CNTNAP2: variants seen among roughly 807,000 people sequenced by gnomAD.
CNTNAP2 encodes contactin associated protein 2.
CNTNAP2 carries 98 observed loss-of-function variants against 155.2 expected under a neutral mutation model. The observed-to-expected ratio is 0.63, with a 90% CI of 0.54 to 0.75. CNTNAP2 has a LOEUF of 0.75. Ranked by LOEUF, CNTNAP2 falls within the 30% of genes least tolerant of loss-of-function variation. The pLI is 0.00. For missense variants in CNTNAP2, 1,727 were observed against 1,688.1 expected (o/e 1.02, Z -0.40); for synonymous variants, 651 against 631.2 (o/e 1.03, Z -0.47).
chr7:147,707,210 C>G (rs557271375), intron 13 of CNTNAP2, among the ~76,000 whole-genome samples: 17 of 152,152 alleles, frequency 1.1e-4, no homozygotes, highest in African/African-American at 4.1e-4. Context: ...TTTGTCCTTA[C>G]ATTGACATCT....
chr7:147,848,779 A>G (rs138381586), intron 13 of CNTNAP2, among the ~76,000 whole-genome samples: 94 of 152,338 alleles, frequency 6.2e-4, no homozygotes, highest in African/African-American at 2.1e-3. Context: ...AACAGAGAGA[A>G]AGCTTAAATA....
chr7:146,536,167 A>C (rs1290140585), intron 1 of CNTNAP2, among the ~76,000 whole-genome samples: 2 of 152,124 alleles, frequency 1.3e-5, no homozygotes, highest in African/African-American at 4.8e-5. Flanking sequence ...TTTGAACCAC[A>C]TTTAGCAAAG....
intron 8 of CNTNAP2, among the ~76,000 whole-genome samples, chr7:147,178,234 A>T (rs763160173): frequency 1.3e-5 from 2 of 152,204 alleles, no homozygotes; most frequent in Non-Finnish European, 2.9e-5. Context: ...ACTGTTTATT[A>T]TCTGTGGTCA....
intron 2 of CNTNAP2, among the ~76,000 whole-genome samples, chr7:146,797,760 G>T (rs566092888): frequency 6.6e-6 from 1 of 152,280 alleles, no homozygotes; most frequent in Non-Finnish European, 1.5e-5. Flanking sequence ...ACTAAGATAC[G>T]TCCTGGCAGC....
intron 13 of CNTNAP2, among the ~76,000 whole-genome samples, chr7:147,789,599 C>A (rs1051677288): frequency 6.6e-6 from 1 of 152,254 alleles, no homozygotes; most frequent in South Asian, 2.1e-4. Context: ...TTGAAGTATG[C>A]AAAGTATTGC....
chr7:146,916,422 T>A (rs10266606), intron 3 of CNTNAP2, among the ~76,000 whole-genome samples: 1 of 151,980 alleles, frequency 6.6e-6, no homozygotes, highest in Non-Finnish European at 1.5e-5. Flanking sequence ...TTTAAATGTC[T>A]GATTGAATTC....
At chr7:148,369,643 C>CATCATTATT (rs1554425870) in intron 21 of CNTNAP2, among the ~76,000 whole-genome samples, 2 of 143,450 alleles carry the variant, frequency 1.4e-5, no homozygotes, top group African/African-American at 5.1e-5. Flanking sequence ...TGTTCTTTAT[C>CATCATTATT]ATTATTATTA....
chr7:147,857,495 A>G (rs1412350204), intron 13 of CNTNAP2, among the ~76,000 whole-genome samples: 2 of 152,222 alleles, frequency 1.3e-5, no homozygotes, highest in Non-Finnish European at 2.9e-5. Context: ...AATCTCACCA[A>G]TTGGCACTAA....
At chr7:148,403,650 G>A (rs1799636637) in intron 22 of CNTNAP2, among the ~76,000 whole-genome samples, 1 of 152,192 alleles carries the variant, frequency 6.6e-6, no homozygotes, top group East Asian at 1.9e-4. Flanking sequence ...TATTATCCAT[G>A]TCTCAGTCAT....
At chr7:146,259,821 T>C (rs568466832) in intron 1 of CNTNAP2, among the ~76,000 whole-genome samples, 187 of 152,258 alleles carry the variant, frequency 1.2e-3, no homozygotes, top group Non-Finnish European at 1.0e-3. Context: ...TTGGGAGAAA[T>C]TCAAGCCAGC....
intron 8 of CNTNAP2, among the ~76,000 whole-genome samples, chr7:147,188,383 C>G (rs77182563): frequency 6.6e-6 from 1 of 152,150 alleles, no homozygotes; most frequent in Non-Finnish European, 1.5e-5. Context: ...TTACAAGGTA[C>G]TTCACATACA....
chr7:146,987,422 A>T (rs925818460), intron 3 of CNTNAP2, among the ~76,000 whole-genome samples: 6 of 152,152 alleles, frequency 3.9e-5, no homozygotes, highest in African/African-American at 1.4e-4. Context: ...AATAAATGAA[A>T]ATGAAAATAT....
intron 15 of CNTNAP2, among the ~76,000 whole-genome samples, chr7:148,039,176 T>A (rs1802624739): frequency 6.6e-6 from 1 of 152,170 alleles, no homozygotes; most frequent in African/African-American, 2.4e-5. Context: ...ATTATTGGTG[T>A]AACTCTTAGT....
chr7:148,103,570 T>C (rs1346196614), intron 15 of CNTNAP2, among the ~76,000 whole-genome samples: 1 of 152,218 alleles, frequency 6.6e-6, no homozygotes, highest in Non-Finnish European at 1.5e-5. Flanking sequence ...TCAATGTGAA[T>C]TCCATTTTCA....
chr7:148,179,304 T>C (rs573501550), intron 18 of CNTNAP2, among the ~76,000 whole-genome samples: 11 of 151,196 alleles, frequency 7.3e-5, no homozygotes, highest in African/African-American at 1.9e-4. Flanking sequence ...AGCCCAGGAG[T>C]TCAAGACCAG....
At chr7:148,190,151 T>C (rs142264507) in intron 18 of CNTNAP2, 1 of 152,222 alleles carries the variant, frequency 6.6e-6, no homozygotes, top group African/African-American at 2.4e-5. Flanking sequence ...CAAAGCTAGG[T>C]TATAGAGCCA....
intron 18 of CNTNAP2, among the ~76,000 whole-genome samples, chr7:148,199,177 TTAAAA>T (rs1456918609): frequency 6.6e-6 from 1 of 152,326 alleles, no homozygotes; most frequent in South Asian, 2.1e-4. Flanking sequence ...CATTGCATCC[TTAAAA>T]TAAACCTAAA....
chr7:148,259,890 C>T (rs907927722), intron 20 of CNTNAP2, among the ~76,000 whole-genome samples: 2 of 152,198 alleles, frequency 1.3e-5, no homozygotes, highest in Non-Finnish European at 2.9e-5. Context: ...CAAGGTTGTC[C>T]TGGGGTACAT....
intron 13 of CNTNAP2, among the ~76,000 whole-genome samples, chr7:147,708,307 T>A (rs1044558046): frequency 6.6e-6 from 1 of 152,026 alleles, no homozygotes; most frequent in African/African-American, 2.4e-5. Flanking sequence ...TTCCTGGGGA[T>A]ATTGGGGTCA....
Sources: allele counts gnomAD v4.1 joint callset (sites outside exome capture counted in the v4.1 genomes callset), GRCh38; gene constraint gnomAD v4.1.1; transcripts MANE v1.5; gene names NCBI Gene and HGNC (gene_info 2026-07-23, HGNC 2026-07-21).